The following MAPRE2 variants were observed in gnomAD, a reference collection of about 807,000 sequenced individuals.
The protein encoded by MAPRE2 is microtubule associated protein RP/EB family member 2.
A neutral mutation model predicts 43.2 loss-of-function variants in MAPRE2; 13 were observed. That is an observed-to-expected ratio of 0.30 (90% CI 0.20 to 0.48). MAPRE2 has a LOEUF of 0.48. MAPRE2 is among the 20% of genes least tolerant of loss of function. The probability of loss-of-function intolerance (pLI) is 0.99; values close to 1 mark genes in which losing one functional copy is unlikely to be tolerated. For missense variants in MAPRE2, 161 were observed against 400.2 expected (o/e 0.40, Z 5.10); for synonymous variants, 135 against 148.8 (o/e 0.91, Z 0.68).
intron 2 of MAPRE2, among the ~76,000 whole-genome samples, chr18:35,084,274 A>G (rs1744458747): frequency 6.6e-6 from 1 of 151,482 alleles, no homozygotes; most frequent in African/African-American, 2.4e-5. Flanking sequence ...ACTCCATCTC[A>G]AAAAAAAATA....
upstream of MAPRE2, among the ~76,000 whole-genome samples, chr18:35,036,760 G>A (rs1034306980): frequency 1.3e-5 from 2 of 152,128 alleles, no homozygotes; most frequent in African/African-American, 2.4e-5. Context: ...TCTCATTAGG[G>A]TTGTTGTGAG....
intron 2 of MAPRE2, among the ~76,000 whole-genome samples, chr18:35,083,268 G>A (rs1167953599): frequency 6.6e-6 from 1 of 152,162 alleles, no homozygotes; most frequent in Non-Finnish European, 1.5e-5. Context: ...GGTAATACAA[G>A]TGTGTGAGAA....
chr18:35,006,469 A>C (rs1474000576), intron 2 of MAPRE2, among the ~76,000 whole-genome samples: 1 of 152,240 alleles, frequency 6.6e-6, no homozygotes, highest in Non-Finnish European at 1.5e-5. Context: ...AAAAGCTCAA[A>C]TCATGAATAA....
intron 2 of MAPRE2, among the ~76,000 whole-genome samples, chr18:35,084,491 A>G (rs1248613508): frequency 3.3e-5 from 5 of 152,172 alleles, no homozygotes; most frequent in African/African-American, 1.2e-4. Context: ...AGGCCTTTTA[A>G]TTAATCTGCT....
chr18:35,001,415 G>A (rs571662133), intron 1 of MAPRE2, among the ~76,000 whole-genome samples: 2 of 152,094 alleles, frequency 1.3e-5, no homozygotes, highest in African/African-American at 4.8e-5. Flanking sequence ...GCGGGAGGTT[G>A]AGGCACGAGA....
chr18:35,001,826 A>T (rs915656764), intron 1 of MAPRE2, among the ~76,000 whole-genome samples: 2 of 152,172 alleles, frequency 1.3e-5, no homozygotes, highest in East Asian at 3.8e-4. Context: ...AAACTAATGT[A>T]TCTTGCTCAA....
chr18:34,980,494 C>T (rs1424304866), intron 1 of MAPRE2, among the ~76,000 whole-genome samples: 1 of 152,142 alleles, frequency 6.6e-6, no homozygotes, highest in Non-Finnish European at 1.5e-5. Flanking sequence ...GGGGCACAGA[C>T]TCTGTTAGTT....
At chr18:35,004,788 G>T (rs554622837) in intron 1 of MAPRE2, among the ~76,000 whole-genome samples, 71 of 152,064 alleles carry the variant, frequency 4.7e-4, no homozygotes, top group African/African-American at 1.7e-3. Flanking sequence ...CATGGTGGCG[G>T]GCGCCTGTAG....
chr18:35,137,708 C>CTT (rs1910450192), intron 6 of MAPRE2, among the ~76,000 whole-genome samples: 3 of 152,164 alleles, frequency 2.0e-5, no homozygotes, highest in African/African-American at 7.2e-5. Flanking sequence ...GGGCTCAGAG[C>CTT]CCGGCTGGAG....
intron 5 of MAPRE2, among the ~76,000 whole-genome samples, chr18:35,131,720 GC>G (rs1167173731): frequency 2.0e-5 from 3 of 152,174 alleles, no homozygotes; most frequent in African/African-American, 7.2e-5. Context: ...ATGTGTTCCA[GC>G]CTATGTTAGC....
chr18:35,109,048 C>A (rs1321957230), intron 4 of MAPRE2, among the ~76,000 whole-genome samples: 1 of 152,124 alleles, frequency 6.6e-6, no homozygotes, highest in African/African-American at 2.4e-5. Flanking sequence ...AGTCTTTGCC[C>A]ATGCCTATGT....
intron 2 of MAPRE2, among the ~76,000 whole-genome samples, chr18:35,007,217 C>T (rs1413977485): frequency 6.6e-6 from 1 of 152,154 alleles, no homozygotes; most frequent in Non-Finnish European, 1.5e-5. Context: ...TATGTCGGGT[C>T]TGTATGAGGC....
At chr18:34,997,789 C>T (rs1257720920) in intron 1 of MAPRE2, among the ~76,000 whole-genome samples, 3 of 152,222 alleles carry the variant, frequency 2.0e-5, no homozygotes, top group East Asian at 3.8e-4. Flanking sequence ...GCACTCCAGG[C>T]TGGGCTACAA....
chr18:35,076,346 G>C (rs1352768096), intron 2 of MAPRE2, among the ~76,000 whole-genome samples: 1 of 152,178 alleles, frequency 6.6e-6, no homozygotes, highest in African/African-American at 2.4e-5. Flanking sequence ...CAAGTGCTTT[G>C]AGCATACAAA....
chr18:35,032,093 G>A (rs1413334432), intron 2 of MAPRE2, among the ~76,000 whole-genome samples: 3 of 152,086 alleles, frequency 2.0e-5, no homozygotes, highest in African/African-American at 7.2e-5. Flanking sequence ...TATCATTTTG[G>A]GTGTGGAGCA....
At chr18:35,084,337 G>T (rs1418244335) in intron 2 of MAPRE2, among the ~76,000 whole-genome samples, 1 of 152,172 alleles carries the variant, frequency 6.6e-6, no homozygotes, top group Non-Finnish European at 1.5e-5. Flanking sequence ...CTTGTTGAAA[G>T]CAGGTTATAA....
intron 2 of MAPRE2, among the ~76,000 whole-genome samples, chr18:35,088,773 G>A (rs1241577384): frequency 6.6e-6 from 1 of 152,150 alleles, no homozygotes; most frequent in Non-Finnish European, 1.5e-5. Flanking sequence ...AAAAGAGGTG[G>A]TCAATAAGGC....
At chr18:35,019,038 A>G (rs2097040307) in intron 2 of MAPRE2, among the ~76,000 whole-genome samples, 1 of 114,904 alleles carries the variant, frequency 8.7e-6, no homozygotes, top group South Asian at 3.3e-4. Context: ...ATTTATTTCA[A>G]AGAATTTTTT....
chr18:35,066,739 C>G (rs970155942), intron 1 of MAPRE2, among the ~76,000 whole-genome samples: 7 of 152,202 alleles, frequency 4.6e-5, no homozygotes, highest in African/African-American at 1.7e-4. Flanking sequence ...GTTCCCCTTC[C>G]AGGGAAAGTG....
Sources: allele counts gnomAD v4.1 joint callset (sites outside exome capture counted in the v4.1 genomes callset), GRCh38; gene constraint gnomAD v4.1.1; transcripts MANE v1.5; gene names NCBI Gene and HGNC (gene_info 2026-07-23, HGNC 2026-07-21).